The following PIK3CB variants were observed in gnomAD, a reference collection of about 807,000 sequenced individuals.
PIK3CB encodes phosphatidylinositol 4,5-bisphosphate 3-kinase catalytic subunit beta isoform.
A neutral mutation model predicts 136.8 loss-of-function variants in PIK3CB; 39 were observed. That is an observed-to-expected ratio of 0.29 (90% CI 0.22 to 0.37). The LOEUF is 0.37. Ranked by LOEUF, PIK3CB falls within the 10% of genes least tolerant of loss-of-function variation. The pLI, the probability that PIK3CB is intolerant of heterozygous loss-of-function variation, is 1.00. For synonymous variants in PIK3CB, 428 were observed against 436.6 expected, an observed-to-expected ratio of 0.98 and a Z score of 0.25; for missense variants, 868 against 1,275.4, an observed-to-expected ratio of 0.68 and a Z score of 4.87.
chr3:138,663,524 G>A (rs975001850), intron 21 of PIK3CB, among the ~76,000 whole-genome samples: 3 of 152,242 alleles, frequency 2.0e-5, no homozygotes, highest in Admixed American at 6.5e-5. Context: ...TGGGATTACA[G>A]GCGCCTGCCA....
intron 4 of PIK3CB, among the ~76,000 whole-genome samples, chr3:138,753,667 A>G (rs1231595117): frequency 6.6e-6 from 1 of 152,112 alleles, no homozygotes; most frequent in Non-Finnish European, 1.5e-5. Context: ...CTACATGGGC[A>G]TGGTGGCATA....
At chr3:138,818,432 T>C (rs1376064566) in intron 1 of PIK3CB, among the ~76,000 whole-genome samples, 1 of 152,244 alleles carries the variant, frequency 6.6e-6, no homozygotes, top group Admixed American at 6.5e-5. Context: ...CTTTTTCTTA[T>C]TTGTAAAACA....
rs754142331 is a variant in PIK3CB at position 138,755,908 on chromosome 3, T to C, written c.243A>G (p.Ala81=). The change falls in exon 4 of 24, where the codon GCA becomes GCG. Residue 81 remains alanine (A), a synonymous_variant. Transcript: ENST00000674063. The part of the protein sequence containing the change: ...LLMDIDSYMF[A]CVNQTAVYEE... ...CATATACAGCAGTCTGATTCACACA[T>C]GCAAACATATAGGAGTCAATATCCA... 4.6e-5 allele frequency: 74 copies of C among 1,612,526 alleles called. No individual in the cohort carries two copies. The highest frequency in any genetic ancestry group is 6.2e-5 in the Non-Finnish European group (73 of 1,178,854).
intron 2 of PIK3CB, chr3:138,778,336 A>G (rs1452290805): frequency 5.9e-6 from 2 of 340,984 alleles, no homozygotes; most frequent in African/African-American, 4.3e-5. Context: ...GCATCATGGG[A>G]GGAATCATGA....
intron 2 of PIK3CB, among the ~76,000 whole-genome samples, chr3:138,762,764 C>A (rs916147673): frequency 4.6e-5 from 7 of 152,044 alleles, no homozygotes; most frequent in African/African-American, 1.7e-4. Flanking sequence ...TTGAGACCAG[C>A]CTGGGCAACA....
intron 19 of PIK3CB, among the ~76,000 whole-genome samples, chr3:138,667,140 C>T (rs752746121): frequency 2.2e-5 from 3 of 136,726 alleles, no homozygotes; most frequent in Non-Finnish European, 4.6e-5. Flanking sequence ...ACCCAGGAGG[C>T]GGAGGTTGCA....
chr3:138,653,004 C>A lies in PIK3CB; in HGVS notation c.*2385G>T, dbSNP rs952037759. 1 of 211,054 alleles carries A rather than the reference C, an allele frequency of 4.7e-6. No homozygotes were observed. The highest frequency in any genetic ancestry group is 9.6e-6 in the Non-Finnish European group (1 of 104,226). 13.1% of individuals were successfully genotyped at this position (211,054 alleles called of 1,614,324 possible). On this transcript the variant is annotated 3_prime_UTR_variant, in exon 24 of 24. Transcript: ENST00000674063. ...TATAGATTAACAACAATGAAACTTA[C>A]AATAAAGTCACTTACCCAGGAATCT...
At chr3:138,735,617 C>T (rs896588884) in intron 6 of PIK3CB, among the ~76,000 whole-genome samples, 4 of 152,146 alleles carry the variant, frequency 2.6e-5, no homozygotes, top group African/African-American at 7.2e-5. Flanking sequence ...AAAAACCTAC[C>T]GATCATCCCA....
intron 1 of PIK3CB, among the ~76,000 whole-genome samples, chr3:138,820,016 T>C (rs1355978830): frequency 6.6e-6 from 1 of 152,220 alleles, no homozygotes; most frequent in East Asian, 1.9e-4. Context: ...GTGATTTTGA[T>C]GTGCAGCCAG....
intron 19 of PIK3CB, among the ~76,000 whole-genome samples, chr3:138,666,409 A>T (rs549798634): frequency 1.3e-5 from 2 of 152,244 alleles, no homozygotes; most frequent in African/African-American, 4.8e-5. Flanking sequence ...CCTGGCTTCA[A>T]GTGATCCTAC....
At chr3:138,797,453 C>T (rs1336767631) in intron 1 of PIK3CB, among the ~76,000 whole-genome samples, 2 of 152,258 alleles carry the variant, frequency 1.3e-5, no homozygotes, top group South Asian at 2.1e-4. Flanking sequence ...GCCCTGGTCA[C>T]GACCCTAATT....
intron 20 of PIK3CB, 74 bp from the exon 21 acceptor site, chr3:138,664,103 CCT>C: frequency 4.6e-6 from 7 of 1,512,640 alleles, no homozygotes; most frequent in Non-Finnish European, 6.3e-6. Context: ...CCAAACCATA[CCT>C]CTGTTTCCTT....
chr3:138,829,753 C>T (rs111542825), intron 1 of PIK3CB, among the ~76,000 whole-genome samples: 1 of 152,090 alleles, frequency 6.6e-6, no homozygotes, highest in African/African-American at 2.4e-5. Flanking sequence ...CGCCACTGTA[C>T]TCCAGCCTGG....
chr3:138,774,451 T>C (rs1290394705), intron 2 of PIK3CB, among the ~76,000 whole-genome samples: 1 of 152,266 alleles, frequency 6.6e-6, no homozygotes, highest in Non-Finnish European at 1.5e-5. Flanking sequence ...ATTGTCTAGA[T>C]GACTGCTTCT....
chr3:138,656,826 A>T (rs2043199883), intron 22 of PIK3CB, among the ~76,000 whole-genome samples: 1 of 151,998 alleles, frequency 6.6e-6, no homozygotes, highest in African/African-American at 2.4e-5. Flanking sequence ...GCTGGAGTGC[A>T]GTGGCGTGAT....
intron 2 of PIK3CB, among the ~76,000 whole-genome samples, chr3:138,785,432 A>T (rs1054808327): frequency 3.9e-5 from 6 of 152,230 alleles, no homozygotes; most frequent in Admixed American, 1.3e-4. Flanking sequence ...GTCTCTGTAG[A>T]AAGAAGTAGA....
intron 1 of PIK3CB, among the ~76,000 whole-genome samples, chr3:138,801,596 C>T (rs544981333): frequency 2.6e-5 from 4 of 151,846 alleles, no homozygotes; most frequent in Non-Finnish European, 4.4e-5. Context: ...ATTAGCCAGG[C>T]GCGGTAGCTC....
intron 9 of PIK3CB, among the ~76,000 whole-genome samples, chr3:138,713,710 G>C (rs2044552377): frequency 6.6e-6 from 1 of 151,960 alleles, no homozygotes; most frequent in East Asian, 1.9e-4. Context: ...TTAATATATA[G>C]ATAAATATAG....
chr3:138,673,035 AG>A (rs1577056107), intron 19 of PIK3CB, among the ~76,000 whole-genome samples: 1 of 152,158 alleles, frequency 6.6e-6, no homozygotes, highest in East Asian at 1.9e-4. Flanking sequence ...GGAAAAGAAT[AG>A]GAAATTACTA....
Sources: allele counts gnomAD v4.1 joint callset (sites outside exome capture counted in the v4.1 genomes callset), GRCh38; gene constraint gnomAD v4.1.1; transcripts MANE v1.5; gene names NCBI Gene and HGNC (gene_info 2026-07-23, HGNC 2026-07-21).